Variants in SCN2A observed in about 807,000 individuals in gnomAD.
The protein encoded by SCN2A is sodium voltage-gated channel alpha subunit 2.
Under a neutral mutation model 188.7 loss-of-function variants are expected in SCN2A, and 20 were observed. The ratio of observed to expected loss-of-function variants is 0.11; its 90% CI spans 0.07 to 0.15. SCN2A has a LOEUF of 0.15. Ranked by LOEUF, SCN2A falls within the 10% of genes least tolerant of loss-of-function variation. The pLI is 1.00. For synonymous variants in SCN2A, 804 were observed against 833.1 expected, an observed-to-expected ratio of 0.97 and a Z score of 0.60; for missense variants, 1,278 against 2,445.0, an observed-to-expected ratio of 0.52 and a Z score of 10.07.
chr2:165,260,788 GA>G (rs1194861226), intron 1 of SCN2A, among the ~76,000 whole-genome samples: 1 of 151,784 alleles, frequency 6.6e-6, no homozygotes, highest in Non-Finnish European at 1.5e-5. Context: ...CCGACATGAA[GA>G]AACCCCCCTC....
At chr2:165,285,019 A>T (rs1240845508) in intron 1 of SCN2A, among the ~76,000 whole-genome samples, 1 of 152,138 alleles carries the variant, frequency 6.6e-6, no homozygotes, top group African/African-American at 2.4e-5. Context: ...TAGTTAACTT[A>T]TTTTTCCTAG....
chr2:165,375,891 T>A (rs1701289181), intron 22 of SCN2A, among the ~76,000 whole-genome samples: 1 of 151,616 alleles, frequency 6.6e-6, no homozygotes, highest in South Asian at 2.1e-4. Context: ...AAGAAGGAAA[T>A]CCTGTCCTTT....
At chr2:165,311,967 T>C in intron 7 of SCN2A, 58 bp from the exon 8 acceptor site, 1 of 1,216,318 alleles carries the variant, frequency 8.2e-7, no homozygotes, top group Non-Finnish European at 1.2e-6. Flanking sequence ...CTAAACAGGG[T>C]GGCTGAAGTG....
At chr2:165,306,145 G>C (rs1031524107) in intron 3 of SCN2A, among the ~76,000 whole-genome samples, 3 of 152,154 alleles carry the variant, frequency 2.0e-5, no homozygotes, top group Non-Finnish European at 4.4e-5. Context: ...TTGTGATGCT[G>C]TCTCTTCTCT....
chr2:165,250,697 G>A (rs750837652), intron 1 of SCN2A, among the ~76,000 whole-genome samples: 3 of 151,840 alleles, frequency 2.0e-5, no homozygotes, highest in Non-Finnish European at 4.4e-5. Flanking sequence ...TCTATCTATC[G>A]TCAAGAATGC....
chr2:165,349,664 C>T (rs1167346968), intron 16 of SCN2A, among the ~76,000 whole-genome samples: 5 of 151,990 alleles, frequency 3.3e-5, no homozygotes, highest in African/African-American at 9.7e-5. Flanking sequence ...AATTTTTGTT[C>T]TTTTAAGAGA....
At chr2:165,357,838 G>A (rs1053057290) in intron 17 of SCN2A, among the ~76,000 whole-genome samples, 1 of 152,038 alleles carries the variant, frequency 6.6e-6, no homozygotes, top group African/African-American at 2.4e-5. Flanking sequence ...CCAGAGGCTC[G>A]TGCCACCACT....
intron 6 of SCN2A, 119 bp from the exon 7 acceptor site, chr2:165,310,204 T>A: frequency 9.2e-7 from 1 of 1,084,220 alleles, no homozygotes. Context: ...AACATTAAAC[T>A]AATATTGTTG....
chr2:165,264,881 T>G (rs1313436217), intron 1 of SCN2A, among the ~76,000 whole-genome samples: 1 of 152,172 alleles, frequency 6.6e-6, no homozygotes, highest in Non-Finnish European at 1.5e-5. Context: ...TGATGGGCAT[T>G]TAGGTTGATT....
Position 165,295,874 on chromosome 2 carries a change from T to A in SCN2A, c.51T>A (p.Phe17Leu). ...VPPGPDSFRFFTRESLAAIEQ... is the reference protein window; with the variant it reads ...VPPGPDSFRFLTRESLAAIEQ... Reference sequence around the variant, plus strand: ...CAGGACCTGACAGCTTCCGCTTCTTTACCAGGGAATCCCTTGCTGCTATTG... The same window carrying A: ...CAGGACCTGACAGCTTCCGCTTCTTAACCAGGGAATCCCTTGCTGCTATTG... Residue 17 changes from phenylalanine (F) to leucine (L), a missense_variant, in exon 2 of 27, where the codon TTT becomes TTA. By Grantham distance (22) the Phe-to-Leu change is conservative. Coordinates refer to ENST00000375437, the MANE Select transcript of SCN2A (RefSeq NM_001040142.2). 2 of 1,614,180 alleles carry A rather than the reference T, an allele frequency of 1.2e-6. No individual in the cohort carries two copies. The highest frequency in any genetic ancestry group is 1.7e-6 in the Non-Finnish European group (2 of 1,180,028).
intron 3 of SCN2A, 111 bp from the exon 4 acceptor site, chr2:165,307,737 A>G: frequency 2.5e-6 from 2 of 797,076 alleles, no homozygotes; most frequent in Non-Finnish European, 4.5e-6. Flanking sequence ...AATAATAAGC[A>G]ACAAAATAAT....
Position 165,386,809 on chromosome 2 carries a change from A to G in SCN2A, c.4615A>G (p.Ile1539Val), listed in dbSNP as rs775652544. ...TKQVFDISIM[I>V]LICLNMVTMM... Reference sequence around the variant, plus strand: ...ACAAGTCTTTGATATCAGCATCATGATCCTCATCTGCCTTAACATGGTCAC... The same window carrying G: ...ACAAGTCTTTGATATCAGCATCATGGTCCTCATCTGCCTTAACATGGTCAC... Residue 1539 changes from isoleucine (I) to valine (V), a missense_variant, in exon 26 of 27, where the codon ATC becomes GTC. Coordinates refer to ENST00000375437, the MANE Select transcript of SCN2A (RefSeq NM_001040142.2). The G allele has an allele frequency of 6.2e-7, 1 of 1,613,888 alleles. No individual in the cohort carries two copies. The highest frequency in any genetic ancestry group is 2.2e-5 in the East Asian group (1 of 44,844).
chr2:165,264,791 C>T (rs986587087), intron 1 of SCN2A, among the ~76,000 whole-genome samples: 3 of 152,216 alleles, frequency 2.0e-5, no homozygotes, highest in Admixed American at 2.0e-4. Context: ...TTGAAGAGGA[C>T]ATGATCTCAT....
At chr2:165,262,761 TACTC>T (rs1341832639) in intron 1 of SCN2A, among the ~76,000 whole-genome samples, 3 of 152,214 alleles carry the variant, frequency 2.0e-5, no homozygotes, top group Non-Finnish European at 4.4e-5. Context: ...TCTGGGTAGA[TACTC>T]AGTAGTGGAA....
Position 165,386,856 on chromosome 2 carries a change from C to T in SCN2A, c.4662C>T (p.Asp1554=). ...NMVTMMVETD[D]QSQEMTNILY... ...TCACCATGATGGTGGAAACCGATGA[C>T]CAGAGTCAAGAAATGACAAACATTC... Residue 1554 remains aspartate (D), a synonymous_variant, in exon 26 of 27, where the codon GAC becomes GAT. Transcript: ENST00000375437. 1 of 1,613,890 alleles carries T rather than the reference C, an allele frequency of 6.2e-7. No individual in the cohort carries two copies.
chr2:165,365,248 G>T lies in SCN2A; in HGVS notation c.3505G>T (p.Ala1169Ser), dbSNP rs1026755220. The T allele has an allele frequency of 1.4e-5, 23 of 1,613,720 alleles. No individual in the cohort carries two copies. Among genetic ancestry groups the T allele is most frequent in the Non-Finnish European group, 1.9e-5 (23 of 1,179,878 alleles). The change falls in exon 18 of 27, where the codon GCC (alanine) becomes TCC (serine). Residue 1169 changes from alanine to serine, a missense_variant. Around this residue, in one of 17 missense-constraint regions of SCN2A, gnomAD observed 228 missense variants for 297.3 expected, o/e 0.77. Transcript: ENST00000375437. ...ACCTGAGGAATCCCTTGAACCTGAA[G>T]CCTGTTTTACAGAAGGTAAGCAAAA... Reference protein sequence around the residue: ...VEPEESLEPEACFTEDCVRKF... With the variant: ...VEPEESLEPESCFTEDCVRKF...
rs371690453 is a variant in SCN2A, at chr2:165,386,790, C to A, written c.4596C>A (p.Val1532=). The A allele has an allele frequency of 6.2e-7, 1 of 1,613,712 alleles. No homozygotes were observed. The highest frequency in any genetic ancestry group is 1.3e-5 in the African/African-American group (1 of 74,990). Residue 1532 remains valine (V), a synonymous_variant, in exon 26 of 27, where the codon GTC becomes GTA. Transcript: ENST00000375437. The part of the protein sequence containing the change: ...GMVFDFVTKQ[V]FDISIMILIC... ...TCTTTGATTTTGTAACCAAACAAGT[C>A]TTTGATATCAGCATCATGATCCTCA... is the stretch of plus-strand genomic sequence containing the variant.
intron 14 of SCN2A, among the ~76,000 whole-genome samples, chr2:165,333,481 G>T (rs1698810714): frequency 6.6e-6 from 1 of 151,688 alleles, no homozygotes; most frequent in South Asian, 2.1e-4. Flanking sequence ...AATGAAATTA[G>T]AAACCAATAA....
At chr2:165,246,600 A>T (rs1047357328) in intron 1 of SCN2A, among the ~76,000 whole-genome samples, 1 of 152,148 alleles carries the variant, frequency 6.6e-6, no homozygotes, top group African/African-American at 2.4e-5. Flanking sequence ...TAAATTCCAC[A>T]GTTATTCATA....
Sources: allele counts gnomAD v4.1 joint callset (sites outside exome capture counted in the v4.1 genomes callset), GRCh38; gene constraint gnomAD v4.1.1; regional missense constraint gnomAD v4.1.1; transcripts MANE v1.5; gene names NCBI Gene and HGNC (gene_info 2026-07-23, HGNC 2026-07-21).